EXOSC9: variants seen among roughly 807,000 people sequenced by gnomAD.
EXOSC9 encodes exosome complex component RRP45.
Under a neutral mutation model 56.5 loss-of-function variants are expected in EXOSC9, and 38 were observed. That is an observed-to-expected ratio of 0.67 (90% confidence interval 0.52 to 0.88). The LOEUF (loss-of-function observed/expected upper bound fraction) is 0.88. Among genes scored for constraint, EXOSC9 ranks in the 40% least tolerant of loss-of-function variants. EXOSC9 has a pLI of 0.00. For missense variants in EXOSC9, 559 were observed against 530.5 expected (o/e 1.05, Z -0.53); for synonymous variants, 170 against 170.8 (o/e 0.99, Z 0.04).
chr4:121,810,485 G>A (rs562968269), intron 7 of EXOSC9, among the ~76,000 whole-genome samples: 2 of 152,058 alleles, frequency 1.3e-5, no homozygotes, highest in South Asian at 4.2e-4. Flanking sequence ...TTCAAGACCA[G>A]CCTGGCCAAC....
At chr4:121,806,603 G>A (rs1300673240) in intron 5 of EXOSC9, among the ~76,000 whole-genome samples, 2 of 152,050 alleles carry the variant, frequency 1.3e-5, no homozygotes, top group African/African-American at 4.8e-5. Flanking sequence ...GCCAGAAACT[G>A]GAAACAATCC....
intron 2 of EXOSC9, 93 bp from the exon 3 acceptor site, chr4:121,802,581 C>A: frequency 8.3e-7 from 1 of 1,206,752 alleles, no homozygotes; most frequent in Non-Finnish European, 1.2e-6. Context: ...TATGATATTA[C>A]TCACATTAAG....
chr4:121,808,964 C>CT (rs2149036862), intron 6 of EXOSC9, among the ~76,000 whole-genome samples: 1 of 152,062 alleles, frequency 6.6e-6, no homozygotes, highest in Non-Finnish European at 1.5e-5. Context: ...CTTGAGCCAC[C>CT]ATGCGCAGCA....
chr4:121,813,173 T>C, intron 8 of EXOSC9, 61 bp from the exon 9 acceptor site: 1 of 1,475,852 alleles, frequency 6.8e-7, no homozygotes, highest in Admixed American at 2.1e-5. Context: ...CCTTCCTGTC[T>C]TCTATCCAAT....
In EXOSC9 at chr4:121,815,485, A is replaced by G. The variant is rs189442646; in HGVS notation, c.1157-884A>G. The G allele has an allele frequency of 1.1e-4, 108 of 985,176 alleles. No homozygotes were observed. The Admixed American group carries it at 2.1e-3, about 20-fold the overall frequency. 61.0% of individuals were successfully genotyped at this position (985,176 alleles called of 1,614,324 possible). A position where few individuals can be genotyped will look rare whatever the true frequency, so the allele number is the denominator to read the frequency against. ...GAAACTAATTGAAAACTAAAAATAC[A>G]AATAATTGATATGGGTTAATTCACA... On this transcript the variant is annotated intron_variant, in intron 10 of 11. Coordinates refer to ENST00000243498, the MANE Select transcript of EXOSC9 (RefSeq NM_005033.3).
intron 7 of EXOSC9, 67 bp downstream of exon 7, chr4:121,810,166 T>C (rs556607801): frequency 7.0e-7 from 1 of 1,435,006 alleles, no homozygotes; most frequent in African/African-American, 1.4e-5. Flanking sequence ...TTCTTGTCTT[T>C]TAACAAAAAT....
At chr4:121,812,508 A>C (rs1727240549) in intron 8 of EXOSC9, among the ~76,000 whole-genome samples, 1 of 152,112 alleles carries the variant, frequency 6.6e-6, no homozygotes, top group Non-Finnish European at 1.5e-5. Flanking sequence ...TTTTGAGATG[A>C]AGTCTCACTT....
At position 121,813,885 on chromosome 4, in the gene EXOSC9, T is replaced by C. The variant is rs1724359362; in HGVS notation, c.994T>C (p.Trp332Arg). Residue 332 changes from tryptophan (W) to arginine (R), a missense_variant, in exon 10 of 12, where the codon TGG becomes CGG. Transcript: ENST00000243498. Reference protein sequence around the residue: ...PSEVVSTPVLWTPGTAQIGEG... With the variant: ...PSEVVSTPVLRTPGTAQIGEG... ...GTTAAGTGTTTCTACACCTGTGCTA[T>C]GGACTCCTGGAACTGCCCAAATTGG... 1.9e-6 allele frequency: 3 copies of C among 1,612,566 alleles called. No individual in the cohort carries two copies. The highest frequency in any genetic ancestry group is 2.5e-6 in the Non-Finnish European group (3 of 1,178,842).
chr4:121,816,804 C>G lies in EXOSC9; in HGVS notation c.1268C>G (p.Ala423Gly). 1 of 1,601,644 alleles carries G rather than the reference C, an allele frequency of 6.2e-7. No individual in the cohort carries two copies. Among genetic ancestry groups the G allele is most frequent in the Non-Finnish European group, 8.5e-7 (1 of 1,173,536 alleles). The change falls in exon 12 of 12, where the codon GCA (alanine) becomes GGA (glycine). Residue 423 changes from alanine (A) to glycine (G), a missense_variant. Transcript: ENST00000243498. Reference protein sequence around the residue: ...TQTTSAKQEKAPSKKPVKRRK... With the variant: ...TQTTSAKQEKGPSKKPVKRRK... ...ACCACCAGTGCAAAACAAGAAAAAG[C>G]ACCAAGTAAAAAGCCAGTGAAAAGA...
At chr4:121,816,502 G>C in intron 11 of EXOSC9, 55 bp downstream of exon 11, 1 of 1,173,492 alleles carries the variant, frequency 8.5e-7, no homozygotes, top group South Asian at 1.5e-5. Context: ...ACTTATAGAG[G>C]TTTGCTCTCT....
At position 121,802,962 on chromosome 4, in the gene EXOSC9, T is replaced by G; in HGVS notation, c.329T>G (p.Leu110Arg). The change falls in exon 4 of 12, where the codon CTA (leucine) becomes CGA (arginine). Residue 110 changes from leucine (L) to arginine (R), a missense_variant. Physicochemically the swap from Leu to Arg is moderately radical, Grantham distance 102. Transcript: ENST00000243498. Reference sequence around the variant, plus strand: ...TTGAATCGACTCATGGAAAGATGTCTAAGAAATTCGAAGTGTATAGACACT... The same window carrying G: ...TTGAATCGACTCATGGAAAGATGTCGAAGAAATTCGAAGTGTATAGACACT... ...VKLNRLMERCLRNSKCIDTES... is the reference protein window; with the variant it reads ...VKLNRLMERCRRNSKCIDTES... 6.2e-7 allele frequency: 1 copy of G among 1,614,122 alleles called. No individual in the cohort carries two copies. Among genetic ancestry groups the G allele is most frequent in the South Asian group, 1.1e-5 (1 of 91,084 alleles).
At chr4:121,815,432 G>C (rs1326718909) in intron 10 of EXOSC9, 8 of 985,048 alleles carry the variant, frequency 8.1e-6, no homozygotes, top group Non-Finnish European at 9.6e-6. Context: ...AGCAGGTACA[G>C]CCTTCCTAAA....
At chr4:121,812,239 A>G (rs1727232996) in intron 8 of EXOSC9, among the ~76,000 whole-genome samples, 1 of 152,200 alleles carries the variant, frequency 6.6e-6, no homozygotes, top group Non-Finnish European at 1.5e-5. Flanking sequence ...CCTAAGAGCA[A>G]GAGGTCTTCA....
intron 7 of EXOSC9, among the ~76,000 whole-genome samples, chr4:121,811,204 CAT>C (rs981781477): frequency 6.6e-6 from 1 of 152,186 alleles, no homozygotes; most frequent in African/African-American, 2.4e-5. Flanking sequence ...GTCTAGCACA[CAT>C]TTATTAAGTG....
At chr4:121,807,766 A>G (rs1727067825) in intron 6 of EXOSC9, 144 bp downstream of exon 6, 1 of 624,092 alleles carries the variant, frequency 1.6e-6, no homozygotes, top group African/African-American at 1.8e-5. Flanking sequence ...TTGTAAGGGC[A>G]TTAGTTGGCA....
intron 7 of EXOSC9, among the ~76,000 whole-genome samples, chr4:121,811,233 TTCTGGTA>T (rs1172782283): frequency 2.0e-5 from 3 of 152,216 alleles, no homozygotes; most frequent in Non-Finnish European, 4.4e-5. Context: ...AAATGTTAGT[TTCTGGTA>T]TCATCATCAT....
chr4:121,802,689 T>G lies in EXOSC9; in HGVS notation c.177T>G (p.Val59=). 1.2e-6 allele frequency: 2 copies of G among 1,614,096 alleles called. No individual in the cohort carries two copies. The highest frequency in any genetic ancestry group is 1.7e-6 in the Non-Finnish European group (2 of 1,179,986). The change falls in exon 3 of 12, where the codon GTT becomes GTG. Residue 59 remains valine (V), a synonymous_variant. Coordinates refer to ENST00000243498, the MANE Select transcript of EXOSC9 (RefSeq NM_005033.3). ...ELGKTRVLGQ[V]SCELVSPKLN... ...ATCTTTGCAGAGTTCTTGGACAGGT[T>G]TCCTGTGAACTTGTGTCTCCAAAAC...
rs748226216 is a variant in EXOSC9 at position 121,802,770 on chromosome 4, C to G, written c.258C>G (p.Ala86=). 2.5e-6 allele frequency: 4 copies of G among 1,614,044 alleles called. No homozygotes were observed. The highest frequency in any genetic ancestry group is 3.4e-6 in the Non-Finnish European group (4 of 1,179,992). ...LFFNLELSQM[A]APAFEPGRQS... Reference sequence around the variant, plus strand: ...TTAACCTTGAACTCTCTCAGATGGCCGCTCCAGCTTTCGAACCTGGCAGGT... The same window carrying G: ...TTAACCTTGAACTCTCTCAGATGGCGGCTCCAGCTTTCGAACCTGGCAGGT... Residue 86 remains alanine, a synonymous_variant, in exon 3 of 12, where the codon GCC becomes GCG. Transcript: ENST00000243498.
rs1560624295 is a variant in EXOSC9 at position 121,807,515 on chromosome 4, TATTAAAC to T, written c.523-21_523-15del. ...ATGTTCATAACTTAGTGACTATAAT[TATTAAAC>T]ATTTTCTTTTGAAACAGTATACACC... On this transcript the variant is annotated intron_variant, in intron 5 of 11. Coordinates refer to ENST00000243498, the MANE Select transcript of EXOSC9 (RefSeq NM_005033.3). 7.0e-7 allele frequency: 1 copy of T among 1,430,422 alleles called. No homozygotes were observed. Among genetic ancestry groups the T allele is most frequent in the East Asian group, 2.3e-5 (1 of 43,544 alleles). 88.6% of individuals were successfully genotyped at this position (1,430,422 alleles called of 1,614,324 possible). A position where few individuals can be genotyped will look rare whatever the true frequency, so the allele number is the denominator to read the frequency against.
Sources: allele counts gnomAD v4.1 joint callset (sites outside exome capture counted in the v4.1 genomes callset), GRCh38; gene constraint gnomAD v4.1.1; transcripts MANE v1.5; gene names NCBI Gene and HGNC (gene_info 2026-07-23, HGNC 2026-07-21).